EEIG2: variants seen among roughly 807,000 people sequenced by gnomAD.
EEIG2 encodes the protein EEIG family member 2.
the EEIG2 span, among the ~76,000 whole-genome samples, chr1:108,622,093 G>T: frequency 1.3e-5 from 2 of 152,192 alleles, no homozygotes; most frequent in African/African-American, 4.8e-5. Flanking sequence ...GGAGGCGGAG[G>T]CTGCAGTGAG....
chr1:108,629,760 G>A, the EEIG2 span: 4 of 813,282 alleles, frequency 4.9e-6, no homozygotes, highest in South Asian at 6.0e-5. Context: ...GCTGAAGCAA[G>A]GAAACACAGA....
chr1:108,579,738 GGTGTGTGT>G, the EEIG2 span, among the ~76,000 whole-genome samples: 4 of 107,976 alleles, frequency 3.7e-5, no homozygotes, highest in African/African-American at 1.5e-4. Context: ...TTGTTTTTTT[GGTGTGTGT>G]GTGTGTGTGT....
At chr1:108,592,073 TAA>T in the EEIG2 span, among the ~76,000 whole-genome samples, 9 of 152,150 alleles carry the variant, frequency 5.9e-5, no homozygotes, top group African/African-American at 1.9e-4. Context: ...GTTTGTATTT[TAA>T]AAAGAGTTCT....
chr1:108,607,477 G>A, the EEIG2 span, among the ~76,000 whole-genome samples: 1 of 152,158 alleles, frequency 6.6e-6, no homozygotes, highest in Non-Finnish European at 1.5e-5. Context: ...GCTAGGGTTT[G>A]GGTTTCCTTC....
the EEIG2 span, among the ~76,000 whole-genome samples, chr1:108,564,121 C>T: frequency 6.6e-6 from 1 of 152,188 alleles, no homozygotes; most frequent in Non-Finnish European, 1.5e-5. Context: ...TCTTTCTACT[C>T]TCTTTCTATA....
chr1:108,630,940 A>G, the EEIG2 span, among the ~76,000 whole-genome samples: 93 of 152,314 alleles, frequency 6.1e-4, no homozygotes, highest in African/African-American at 2.2e-3. Flanking sequence ...ACTCATTTTA[A>G]TGAGTACCTC....
the EEIG2 span, among the ~76,000 whole-genome samples, chr1:108,613,335 G>A: frequency 2.6e-5 from 4 of 152,146 alleles, no homozygotes; most frequent in Non-Finnish European, 5.9e-5. Flanking sequence ...TTTTATAGAT[G>A]AAGAGCTGAA....
At chr1:108,579,848 G>T in the EEIG2 span, among the ~76,000 whole-genome samples, 1 of 147,820 alleles carries the variant, frequency 6.8e-6, no homozygotes, top group Admixed American at 6.8e-5. Flanking sequence ...TGCATTCTTG[G>T]TTCACTGCAG....
At chr1:108,579,772 T>TGTGTGTGAGAGA in the EEIG2 span, among the ~76,000 whole-genome samples, 864 of 58,858 alleles carry the variant, frequency 0.015, 35 homozygotes, top group African/African-American at 0.053. Flanking sequence ...TGTGTGTGTG[T>TGTGTGTGAGAGA]GAGAGAGAGA....
At chr1:108,624,766 A>G in the EEIG2 span, 1 of 1,601,514 alleles carries the variant, frequency 6.2e-7, no homozygotes, top group South Asian at 1.1e-5. Flanking sequence ...TGTGTGGCTT[A>G]CTGGTTTTTT....
the EEIG2 span, among the ~76,000 whole-genome samples, chr1:108,617,216 A>G: frequency 6.6e-6 from 1 of 152,160 alleles, no homozygotes; most frequent in Non-Finnish European, 1.5e-5. Flanking sequence ...AAGGACTGCC[A>G]CTCACACTCT....
chr1:108,624,834 G>T, the EEIG2 span: 1 of 1,020,538 alleles, frequency 9.8e-7, no homozygotes, highest in South Asian at 1.4e-5. Flanking sequence ...GTGGGTATTT[G>T]ACTTGAAACA....
At chr1:108,630,693 T>G in the EEIG2 span, among the ~76,000 whole-genome samples, 15 of 152,338 alleles carry the variant, frequency 9.8e-5, no homozygotes, top group African/African-American at 3.6e-4. Flanking sequence ...CAGATAATAG[T>G]GAGCACAGAC....
At chr1:108,605,395 C>T in the EEIG2 span, among the ~76,000 whole-genome samples, 4 of 152,120 alleles carry the variant, frequency 2.6e-5, no homozygotes, top group African/African-American at 9.7e-5. Flanking sequence ...TAGAGTTTAT[C>T]ATAGATTGTT....
chr1:108,588,210 C>A, the EEIG2 span, among the ~76,000 whole-genome samples: 6 of 152,068 alleles, frequency 3.9e-5, no homozygotes, highest in African/African-American at 1.4e-4. Context: ...AATTTAATTT[C>A]CTTTGGATAT....
the EEIG2 span, among the ~76,000 whole-genome samples, chr1:108,571,669 A>G: frequency 9.9e-5 from 15 of 152,220 alleles, no homozygotes; most frequent in African/African-American, 3.6e-4. Context: ...AAGTGATACA[A>G]GACAGTTTCT....
chr1:108,563,755 G>A, the EEIG2 span, among the ~76,000 whole-genome samples: 2 of 152,164 alleles, frequency 1.3e-5, no homozygotes, highest in Non-Finnish European at 2.9e-5. Context: ...CAAATATAAG[G>A]ATCCACAAGG....
chr1:108,596,894 A>C, the EEIG2 span, among the ~76,000 whole-genome samples: 1 of 152,026 alleles, frequency 6.6e-6, no homozygotes, highest in South Asian at 2.1e-4. Flanking sequence ...GCACGCCACC[A>C]TAAGTTGTAA....
chr1:108,634,953 C>T, the EEIG2 span, among the ~76,000 whole-genome samples: 1 of 152,132 alleles, frequency 6.6e-6, no homozygotes, highest in Non-Finnish European at 1.5e-5. Flanking sequence ...TTTAATATTT[C>T]ACATAGTTTC....
Sources: gnomAD v4.1 joint callset for allele counts (sites outside exome capture counted in the v4.1 genomes callset) on GRCh38, gnomAD v4.1.1 for gene constraint, MANE v1.5 for transcripts, NCBI Gene and HGNC (gene_info 2026-07-23, HGNC 2026-07-21) for gene names.